COX4I1: variants seen among roughly 807,000 people sequenced by gnomAD.
COX4I1 encodes the protein cytochrome c oxidase subunit 4I1.
COX4I1 carries 18 observed loss-of-function variants against 21.7 expected under a neutral mutation model. That is an observed-to-expected ratio of 0.83 (90% confidence interval 0.57 to 1.23). COX4I1 has a LOEUF of 1.23. Ranked by LOEUF, COX4I1 falls within the 50% of genes most tolerant of loss-of-function variation. The pLI is 0.00. For synonymous variants in COX4I1, 100 were observed against 81.5 expected (o/e 1.23, Z -1.23); for missense variants, 238 against 220.7 (o/e 1.08, Z -0.50).
chr16:85,805,994 A>C, intron 4 of COX4I1, 130 bp downstream of exon 4: 70 of 1,325,918 alleles, frequency 5.3e-5, no homozygotes, highest in Middle Eastern at 2.4e-4. Flanking sequence ...AGTTCATCTC[A>C]GGATTGTTTC....
chr16:85,805,957 G>C, intron 4 of COX4I1, 93 bp downstream of exon 4: 1 of 1,545,870 alleles, frequency 6.5e-7, no homozygotes, highest in Non-Finnish European at 8.9e-7. Flanking sequence ...CATACCTTGA[G>C]GCTATGAGAT....
At chr16:85,801,158 G>C in intron 1 of COX4I1, 47 bp from the exon 2 acceptor site, 1 of 1,493,082 alleles carries the variant, frequency 6.7e-7, no homozygotes, top group Non-Finnish European at 9.3e-7. Flanking sequence ...CTAATTCCTT[G>C]CTGTTTGTCC....
rs1239601358 is a variant in COX4I1, at chr16:85,807,015, A to AT, written c.*141_*142insT. On this transcript the variant is annotated 3_prime_UTR_variant, in exon 5 of 5. Transcript: ENST00000253452. Reference sequence around the variant, plus strand: ...AGTTTACCTGAAACCCTTTGTGATCAGTTCTTTAATGATACCTAAATGAAA... The same window carrying AT: ...AGTTTACCTGAAACCCTTTGTGATCATGTTCTTTAATGATACCTAAATGAAA... 2.4e-6 allele frequency: 2 copies of AT among 830,558 alleles called. No homozygotes were observed. Among genetic ancestry groups the AT allele is most frequent in the Non-Finnish European group, 3.7e-6 (2 of 541,420 alleles). The allele number at this position is 830,558 out of a possible 1,614,324, so 51.4% of individuals were successfully genotyped here. A position where few individuals can be genotyped will look rare whatever the true frequency, so the allele number is the denominator to read the frequency against.
intron 3 of COX4I1, 79 bp from the exon 4 acceptor site, chr16:85,805,654 G>T: frequency 6.3e-7 from 1 of 1,589,034 alleles, no homozygotes; most frequent in Admixed American, 1.7e-5. Flanking sequence ...GTGTGGTTTT[G>T]GGGAGAAGTG....
At chr16:85,806,197 A>G (rs1906185650) in intron 4 of COX4I1, 1 of 589,438 alleles carries the variant, frequency 1.7e-6, no homozygotes, top group Non-Finnish European at 3.0e-6. Flanking sequence ...TCGAGCAAGG[A>G]TAAGGGGACT....
intron 3 of COX4I1, 22 bp downstream of exon 3, chr16:85,805,126 AG>A: frequency 7.5e-6 from 12 of 1,599,692 alleles, no homozygotes; most frequent in Non-Finnish European, 1.0e-5. Flanking sequence ...AGGGACCCAC[AG>A]GCGCGCCCAG....
chr16:85,804,977 T>C lies in COX4I1; in HGVS notation c.114T>C (p.Tyr38=). ...GCGAAGACTTTTCGCTCCCAGCTTA[T>C]ATGGATCGGCGTGACCACCCCTTGC... ...VKSEDFSLPA[Y]MDRRDHPLPE... The change falls in exon 3 of 5, where the codon TAT becomes TAC. Residue 38 remains tyrosine, a synonymous_variant. Transcript: ENST00000253452. 3 of 1,613,894 alleles carry C rather than the reference T, an allele frequency of 1.9e-6. No homozygotes were observed. Among genetic ancestry groups the C allele is most frequent in the South Asian group, 1.1e-5 (1 of 91,032 alleles).
chr16:85,805,189 C>A, intron 3 of COX4I1, 85 bp downstream of exon 3: 1 of 1,259,654 alleles, frequency 7.9e-7, no homozygotes, highest in Non-Finnish European at 1.0e-6. Context: ...TCTGGGCCTA[C>A]TGTCTAGAGG....
chr16:85,805,683 G>A (rs1260116426), intron 3 of COX4I1, 50 bp from the exon 4 acceptor site: 11 of 1,606,818 alleles, frequency 6.8e-6, no homozygotes, highest in Non-Finnish European at 9.4e-6. Context: ...TTGCAGAGGA[G>A]GGAGCTGCTG....
Position 85,806,959 on chromosome 16 carries a change from C to G in COX4I1, c.*85C>G, listed in dbSNP as rs889884210. 3.5e-6 allele frequency: 5 copies of G among 1,446,886 alleles called. No homozygotes were observed. The African/African-American group carries it at 7.0e-5, about 20-fold the overall frequency. 89.6% of individuals were successfully genotyped at this position (1,446,886 alleles called of 1,614,324 possible). On this transcript the variant is annotated 3_prime_UTR_variant, in exon 5 of 5. Coordinates refer to ENST00000253452, the MANE Select transcript of COX4I1 (RefSeq NM_001861.6). Reference sequence around the variant, plus strand: ...CCTATTTACTGGAAACCTGTTATGCCAAACAGTTGTACCACTGCTAATAAA... The same window carrying G: ...CCTATTTACTGGAAACCTGTTATGCGAAACAGTTGTACCACTGCTAATAAA...
chr16:85,803,784 C>G (rs745601750), intron 2 of COX4I1: 2 of 152,220 alleles, frequency 1.3e-5, no homozygotes, highest in African/African-American at 4.8e-5. Context: ...GAGAAGCGCA[C>G]GATACTGCCC....
Position 85,805,844 on chromosome 16 carries a change from T to C in COX4I1, c.353T>C (p.Ile118Thr), listed in dbSNP as rs770833137. ...MFFIGFTALV[I>T]MWQKHYVYGP... ...TTCATCGGTTTCACCGCGCTCGTTA[T>C]CATGTGGCAGAAGCACTATGGTGAG... is the stretch of plus-strand genomic sequence containing the variant. The change falls in exon 4 of 5, where the codon ATC becomes ACC. Residue 118 changes from isoleucine to threonine, a missense_variant. Transcript: ENST00000253452. 6.2e-6 allele frequency: 10 copies of C among 1,614,112 alleles called. No individual in the cohort carries two copies. Among genetic ancestry groups the C allele is most frequent in the African/African-American group, 4.0e-5 (3 of 74,928 alleles).
chr16:85,800,259 A>T (rs899763785), intron 1 of COX4I1, among the ~76,000 whole-genome samples: 1 of 152,206 alleles, frequency 6.6e-6, no homozygotes, highest in Non-Finnish European at 1.5e-5. Flanking sequence ...ATTCTGCCCC[A>T]AGGAGGGTAT....
At chr16:85,805,939 G>A in intron 4 of COX4I1, 75 bp downstream of exon 4, 1 of 1,583,312 alleles carries the variant, frequency 6.3e-7, no homozygotes, top group African/African-American at 1.3e-5. Flanking sequence ...TGGGCTGTCG[G>A]GGACCTCCAT....
Position 85,799,892 on chromosome 16 carries a change from T to A in COX4I1, c.-2+140T>A, listed in dbSNP as rs1305469163. ...AATGGGCCTCGGAGCCAGGTGACAT[T>A]GAGGCCGGCCCGTGGGGACTCCGGG... is the stretch of plus-strand genomic sequence containing the variant. On this transcript the variant is annotated intron_variant, in intron 1 of 4. Coordinates refer to ENST00000253452, the MANE Select transcript of COX4I1 (RefSeq NM_001861.6). The surrounding 1 kb of genome is among the most constrained non-coding windows in gnomAD (Gnocchi z 4.2). 6.6e-6 allele frequency: 1 copy of A among 152,160 alleles called. No homozygotes were observed. Among genetic ancestry groups the A allele is most frequent in the Non-Finnish European group, 1.5e-5 (1 of 68,066 alleles). The allele number at this position is 152,160 out of a possible 1,614,324, so 9.4% of individuals were successfully genotyped here. A position where few individuals can be genotyped will look rare whatever the true frequency, so the allele number is the denominator to read the frequency against.
intron 2 of COX4I1, chr16:85,803,534 G>GCTT (rs1905927901): frequency 6.6e-6 from 1 of 152,338 alleles, no homozygotes; most frequent in East Asian, 1.9e-4. Context: ...TGGAGAAACA[G>GCTT]CTTCTAACAG....
At chr16:85,804,801 CAG>C (rs1232370887) in intron 2 of COX4I1, 134 bp from the exon 3 acceptor site, 7 of 720,124 alleles carry the variant, frequency 9.7e-6, no homozygotes, top group African/African-American at 1.8e-5. Flanking sequence ...ACTGTTTAAA[CAG>C]TGGCTGTGAC....
At chr16:85,800,263 A>T (rs961053591) in intron 1 of COX4I1, among the ~76,000 whole-genome samples, 11 of 152,168 alleles carry the variant, frequency 7.2e-5, no homozygotes, top group African/African-American at 2.7e-4. Flanking sequence ...TGCCCCAAGG[A>T]GGGTATTTCC....
At position 85,805,884 on chromosome 16, in the gene COX4I1, G is replaced by T. The variant is rs774812052; in HGVS notation, c.373+20G>T. 7 of 1,613,666 alleles carry T rather than the reference G, an allele frequency of 4.3e-6. No individual in the cohort carries two copies. Among genetic ancestry groups the T allele is most frequent in the Non-Finnish European group, 5.9e-6 (7 of 1,179,736 alleles). On this transcript the variant is annotated intron_variant, in intron 4 of 4. Transcript: ENST00000253452. ...ACTATGGTGAGTAGAGAGGGAGGAA[G>T]GCATGGGCGCCTGGACTGGGGCTCC...
Sources: gnomAD v4.1 joint callset for allele counts (sites outside exome capture counted in the v4.1 genomes callset) on GRCh38, gnomAD v4.1.1 for gene constraint, Gnocchi (gnomAD v3.1) non-coding constraint, MANE v1.5 for transcripts, NCBI Gene and HGNC (gene_info 2026-07-23, HGNC 2026-07-21) for gene names.